Variants in DMD observed in about 807,000 individuals in gnomAD.
DMD encodes the protein dystrophin.
DMD carries 63 observed loss-of-function variants against 330.1 expected under a neutral mutation model. That is an observed-to-expected ratio of 0.19 (90% CI 0.16 to 0.24). The LOEUF is 0.24. Ranked by LOEUF, DMD falls within the 10% of genes least tolerant of loss-of-function variation. The probability of loss-of-function intolerance (pLI) is 1.00; values close to 1 mark genes in which losing one functional copy is unlikely to be tolerated. For missense variants in DMD, 3,344 were observed against 2,684.1 expected (o/e 1.25, Z -5.43); for synonymous variants, 1,223 against 959.8 (o/e 1.27, Z -5.07).
intron 54 of DMD, among the ~76,000 whole-genome samples, chrX:31,642,173 G>A (rs758153276): frequency 1.8e-5 from 2 of 111,358 alleles, no homozygotes; most frequent in Admixed American, 9.5e-5. Context: ...TTAAAACTAC[G>A]GTCCACTGCT....
rs894854565 is a variant in DMD, at chrX:32,394,426, T to C, written c.4234-4245A>G. 3.6e-5 allele frequency among the ~76,000 whole-genome samples: 4 copies of C among 112,070 alleles called. No individual in the cohort carries two copies. In the Admixed American group the frequency reaches 3.8e-4, roughly 11 times the overall value. ...GATTTTCTCATGTCTAGCCCAAGAA[T>C]GATAATAGCAAGCCAGCAATGAAGT... On this transcript the variant is annotated intron_variant, in intron 30 of 78. Transcript: ENST00000357033.
Position 33,001,654 on chromosome X carries a change from G to A in DMD, c.93+18485C>T, listed in dbSNP as rs150371339. Among the ~76,000 whole-genome samples, 57 of 110,751 alleles carry A rather than the reference G, an allele frequency of 5.1e-4. 1 individual carries two copies. The highest frequency in any genetic ancestry group is 9.7e-4 in the Non-Finnish European group (51 of 52,849). Reference sequence around the variant, plus strand: ...GTCTAATGTTACATAGAAAAGAATTGGTTGAAGACAAGAAAGACAGCGTCT... The same window carrying A: ...GTCTAATGTTACATAGAAAAGAATTAGTTGAAGACAAGAAAGACAGCGTCT... On this transcript the variant is annotated intron_variant, in intron 2 of 78. Coordinates refer to ENST00000357033, the MANE Select transcript of DMD (RefSeq NM_004006.3).
At chrX:31,150,615 A>G (rs1464829022) in intron 74 of DMD, among the ~76,000 whole-genome samples, 3 of 112,339 alleles carry the variant, frequency 2.7e-5, no homozygotes, top group African/African-American at 9.7e-5. Flanking sequence ...ATCAATGAGA[A>G]AAGAGATGAA....
intron 44 of DMD, among the ~76,000 whole-genome samples, chrX:32,091,906 C>T (rs1367250301): frequency 9.0e-6 from 1 of 110,907 alleles, no homozygotes; most frequent in Non-Finnish European, 1.9e-5. Context: ...TAAAAAGAGC[C>T]AAAAGTGAGA....
At chrX:31,175,257 A>G (rs940000951) in intron 71 of DMD, among the ~76,000 whole-genome samples, 1 of 111,428 alleles carries the variant, frequency 9.0e-6, no homozygotes, top group Non-Finnish European at 1.9e-5. Context: ...CCCTTGTAAT[A>G]GTTGCTATCC....
intron 59 of DMD, among the ~76,000 whole-genome samples, chrX:31,449,795 T>TATAGATAG (rs58546089): frequency 2.5e-5 from 2 of 81,279 alleles, no homozygotes; most frequent in African/African-American, 9.9e-5. Flanking sequence ...TATATATATA[T>TATAGATAG]ATAGATAGAT....
intron 17 of DMD, among the ~76,000 whole-genome samples, chrX:32,529,593 C>A (rs1180751289): frequency 2.8e-5 from 3 of 108,536 alleles, no homozygotes; most frequent in Non-Finnish European, 5.7e-5. Context: ...GTCTACAATA[C>A]AAATGCTTTT....
chrX:33,092,117 C>T (rs1178658581), intron 1 of DMD, among the ~76,000 whole-genome samples: 1 of 111,345 alleles, frequency 9.0e-6, no homozygotes, highest in African/African-American at 3.3e-5. Context: ...GTCAAATGCT[C>T]AATTAAGCCT....
intron 47 of DMD, among the ~76,000 whole-genome samples, chrX:31,890,399 AAAAC>A (rs1398521223): frequency 9.0e-6 from 1 of 110,766 alleles, no homozygotes; most frequent in Non-Finnish European, 1.9e-5. Flanking sequence ...AGAAAAAAGA[AAAAC>A]AAAGCAATTT....
chrX:33,056,327 A>AC (rs1469995573), intron 1 of DMD, among the ~76,000 whole-genome samples: 3 of 96,818 alleles, frequency 3.1e-5, no homozygotes, highest in African/African-American at 1.1e-4. Flanking sequence ...CAATTATCTG[A>AC]CCCCTGCGCT....
intron 7 of DMD, among the ~76,000 whole-genome samples, chrX:32,742,155 G>A (rs1019899578): frequency 1.8e-5 from 2 of 111,251 alleles, no homozygotes; most frequent in African/African-American, 6.5e-5. Context: ...CATTCCCTTT[G>A]GTAACAGATA....
intron 57 of DMD, among the ~76,000 whole-genome samples, chrX:31,493,185 C>G (rs2069476388): frequency 8.9e-6 from 1 of 111,910 alleles, no homozygotes; most frequent in Non-Finnish European, 1.9e-5. Flanking sequence ...TAACCAGTGT[C>G]TACTGTATAC....
chrX:31,931,742 G>T (rs1361754725), intron 46 of DMD, among the ~76,000 whole-genome samples: 1 of 111,161 alleles, frequency 9.0e-6, no homozygotes, highest in Non-Finnish European at 1.9e-5. Flanking sequence ...AAGTTGTGAA[G>T]TTCTCAAGTA....
In DMD at chrX:32,145,739, A is replaced by G. The variant is rs1440525108; in HGVS notation, c.6438+71177T>C. Among the ~76,000 whole-genome samples, 3 of 112,100 alleles carry G rather than the reference A, an allele frequency of 2.7e-5. No individual in the cohort carries two copies. In the East Asian group the frequency reaches 8.3e-4, roughly 31 times the overall value. On this transcript the variant is annotated intron_variant, in intron 44 of 78. Coordinates refer to ENST00000357033, the MANE Select transcript of DMD (RefSeq NM_004006.3). ...TTGTGAATTATAAGCCTTAAAATGAATTCAAACATGTCAGTAGGAAGAAGC... is the reference window on the plus strand; with the variant it reads ...TTGTGAATTATAAGCCTTAAAATGAGTTCAAACATGTCAGTAGGAAGAAGC...
chrX:33,061,728 G>A (rs1002415346), intron 1 of DMD, among the ~76,000 whole-genome samples: 5 of 111,304 alleles, frequency 4.5e-5, no homozygotes, highest in African/African-American at 1.3e-4. Flanking sequence ...ATGGTTAGAC[G>A]ATAGCTGTAA....
intron 43 of DMD, among the ~76,000 whole-genome samples, chrX:32,258,720 G>A (rs190909597): frequency 2.7e-5 from 3 of 110,564 alleles, no homozygotes; most frequent in African/African-American, 9.9e-5. Flanking sequence ...GTAGATGATG[G>A]GTTGATGTGT....
intron 60 of DMD, among the ~76,000 whole-genome samples, chrX:31,431,624 G>A (rs2064088631): frequency 9.3e-6 from 1 of 107,859 alleles, no homozygotes; most frequent in Non-Finnish European, 1.9e-5. Flanking sequence ...CTCGAACTCC[G>A]GACCTCAGGT....
At chrX:31,816,191 G>A (rs781596758) in intron 50 of DMD, among the ~76,000 whole-genome samples, 10 of 111,792 alleles carry the variant, frequency 8.9e-5, no homozygotes, top group Non-Finnish European at 1.3e-4. Context: ...ATATGGACAG[G>A]TGTCTAAGCA....
intron 11 of DMD, among the ~76,000 whole-genome samples, chrX:32,617,936 A>C (rs373438368): frequency 8.9e-6 from 1 of 111,750 alleles, no homozygotes; most frequent in South Asian, 3.7e-4. Context: ...TTTATCATAA[A>C]AGGGACAAAT....
Sources: gnomAD v4.1 joint callset for allele counts (sites outside exome capture counted in the v4.1 genomes callset) on GRCh38, gnomAD v4.1.1 for gene constraint, MANE v1.5 for transcripts, NCBI Gene and HGNC (gene_info 2026-07-23, HGNC 2026-07-21) for gene names.